Variants in ERC1 observed in about 807,000 individuals in gnomAD.
The protein encoded by ERC1 is ELKS/RAB6-interacting/CAST family member 1.
In ERC1, 56 loss-of-function variants were observed where a neutral mutation model predicts 132.0. That is an observed-to-expected ratio of 0.42 (90% CI 0.34 to 0.53). ERC1 has a LOEUF of 0.53. Among genes scored for constraint, ERC1 ranks in the 20% least tolerant of loss-of-function variants. The pLI is 0.03. For synonymous variants in ERC1, 478 were observed against 476.1 expected, an observed-to-expected ratio of 1.00 and a Z score of -0.05; for missense variants, 1,202 against 1,349.9, an observed-to-expected ratio of 0.89 and a Z score of 1.72.
chr12:1,420,408 A>C (rs1228665386), intron 17 of ERC1, among the ~76,000 whole-genome samples: 3 of 152,136 alleles, frequency 2.0e-5, no homozygotes, highest in Non-Finnish European at 4.4e-5. Context: ...CTTTAAAAAA[A>C]AAGTTGTTTT....
intron 8 of ERC1, among the ~76,000 whole-genome samples, chr12:1,178,628 A>G (rs769859908): frequency 2.6e-5 from 4 of 152,166 alleles, no homozygotes; most frequent in Non-Finnish European, 5.9e-5. Context: ...CTTGGGGGTG[A>G]GGGCAACAGA....
chr12:1,119,096 C>G (rs966077218), intron 7 of ERC1, among the ~76,000 whole-genome samples: 2 of 152,140 alleles, frequency 1.3e-5, no homozygotes, highest in African/African-American at 4.8e-5. Flanking sequence ...CTAGGCTGGT[C>G]TGGGACTCCT....
intron 15 of ERC1, among the ~76,000 whole-genome samples, chr12:1,319,295 A>G (rs2081965547): frequency 6.6e-6 from 1 of 152,156 alleles, no homozygotes. Flanking sequence ...ATATGTGAGT[A>G]TATTTTTTAT....
At chr12:1,347,941 C>G (rs1169767853) in intron 15 of ERC1, among the ~76,000 whole-genome samples, 2 of 152,120 alleles carry the variant, frequency 1.3e-5, no homozygotes, top group African/African-American at 4.8e-5. Flanking sequence ...AGAGATGGCG[C>G]CACTGCACTC....
intron 12 of ERC1, among the ~76,000 whole-genome samples, chr12:1,205,397 CTGTGTG>C (rs551630470): frequency 7.4e-6 from 1 of 135,684 alleles, no homozygotes; most frequent in African/African-American, 2.8e-5. Flanking sequence ...ATATATATAT[CTGTGTG>C]TGTGTGTGTG....
At chr12:1,293,847 A>G (rs1475187210) in intron 15 of ERC1, among the ~76,000 whole-genome samples, 1 of 152,234 alleles carries the variant, frequency 6.6e-6, no homozygotes, top group Non-Finnish European at 1.5e-5. Context: ...ACTTCCACCA[A>G]AAGCCATTTT....
intron 3 of ERC1, among the ~76,000 whole-genome samples, chr12:1,092,233 G>A (rs1056179238): frequency 3.3e-5 from 5 of 152,010 alleles, no homozygotes; most frequent in Non-Finnish European, 7.4e-5. Flanking sequence ...TCCTGACCTC[G>A]TGATCCGCCC....
intron 8 of ERC1, among the ~76,000 whole-genome samples, chr12:1,174,004 A>G (rs543495412): frequency 4.0e-5 from 6 of 151,282 alleles, no homozygotes; most frequent in African/African-American, 1.5e-4. Context: ...GTGATGCTGC[A>G]TTCAGTGGGG....
intron 3 of ERC1, among the ~76,000 whole-genome samples, chr12:1,097,226 C>A (rs957282098): frequency 6.6e-6 from 1 of 151,964 alleles, no homozygotes; most frequent in Non-Finnish European, 1.5e-5. Context: ...TTTCCTACTT[C>A]GTGTGTATAG....
At chr12:1,487,822 GAGAA>G (rs372337524) in intron 18 of ERC1, among the ~76,000 whole-genome samples, 2 of 148,704 alleles carry the variant, frequency 1.3e-5, no homozygotes, top group African/African-American at 5.0e-5. Flanking sequence ...GAGAGAGAGA[GAGAA>G]AGAAAAGAAA....
Position 1,490,704 on chromosome 12 carries a change from A to G in ERC1, c.*474A>G, listed in dbSNP as rs1302725647. 2 of 234,008 alleles carry G rather than the reference A, an allele frequency of 8.5e-6. No individual in the cohort carries two copies. Among genetic ancestry groups the G allele is most frequent in the East Asian group, 6.0e-5 (1 of 16,546 alleles). The allele number at this position is 234,008 out of a possible 1,614,324, so 14.5% of individuals were successfully genotyped here. A position where few individuals can be genotyped will look rare whatever the true frequency, so the allele number is the denominator to read the frequency against. ...CTTTCTCCTAAAAGGGCAAAAAACAATCTCAAAAAGATTAGAAAAAGAGAA... is the reference window on the plus strand; with the variant it reads ...CTTTCTCCTAAAAGGGCAAAAAACAGTCTCAAAAAGATTAGAAAAAGAGAA... On this transcript the variant is annotated 3_prime_UTR_variant, in exon 19 of 19. Transcript: ENST00000360905.
chr12:1,201,362 G>A (rs1956899521), intron 12 of ERC1, among the ~76,000 whole-genome samples: 1 of 152,138 alleles, frequency 6.6e-6, no homozygotes, highest in Admixed American at 6.5e-5. Flanking sequence ...TTCAAAGAGT[G>A]AATAAAATTG....
chr12:1,330,250 C>T (rs960402113), intron 15 of ERC1, among the ~76,000 whole-genome samples: 10 of 152,230 alleles, frequency 6.6e-5, no homozygotes, highest in Non-Finnish European at 1.3e-4. Context: ...CCCCTTTCCA[C>T]ATCCTCGAGT....
intron 15 of ERC1, among the ~76,000 whole-genome samples, chr12:1,317,461 T>C (rs1680427603): frequency 6.6e-6 from 1 of 152,140 alleles, no homozygotes; most frequent in Admixed American, 6.5e-5. Context: ...GATGATGGGT[T>C]GATGGGTGCA....
chr12:1,110,087 A>G lies in ERC1; in HGVS notation c.1162-105A>G. ...AATTGCCAGACAGCATTTTTTCTGTATATTTGTCTATCTTTATTAAATGTA... is the reference window on the plus strand; with the variant it reads ...AATTGCCAGACAGCATTTTTTCTGTGTATTTGTCTATCTTTATTAAATGTA... On this transcript the variant is annotated intron_variant, in intron 4 of 18. Coordinates refer to ENST00000360905, the MANE Select transcript of ERC1 (RefSeq NM_178040.4). The G allele has an allele frequency of 3.1e-6, 3 of 980,206 alleles. No homozygotes were observed. The South Asian group carries it at 6.0e-5, about 19-fold the overall frequency. 60.7% of individuals were successfully genotyped at this position (980,206 alleles called of 1,614,324 possible). A position where few individuals can be genotyped will look rare whatever the true frequency, so the allele number is the denominator to read the frequency against.
At chr12:1,320,144 G>A (rs2154353527) in intron 15 of ERC1, among the ~76,000 whole-genome samples, 1 of 152,214 alleles carries the variant, frequency 6.6e-6, no homozygotes, top group African/African-American at 2.4e-5. Context: ...TTCCAGTTGT[G>A]TAATATTGCA....
chr12:1,198,921 C>T lies in ERC1; in HGVS notation c.2351+8869C>T, dbSNP rs1594159209. Reference sequence around the variant, plus strand: ...CCAGTCACTTCCCACCAGGCCCCACCTCCAACACTGGGGATCACAGTTCAA... The same window carrying T: ...CCAGTCACTTCCCACCAGGCCCCACTTCCAACACTGGGGATCACAGTTCAA... On this transcript the variant is annotated intron_variant, in intron 12 of 18. Transcript: ENST00000360905. Among the ~76,000 whole-genome samples the T allele has an allele frequency of 8.8e-5, 13 of 148,230 alleles. No individual in the cohort carries two copies. The South Asian group carries it at 2.5e-3, about 29-fold the overall frequency.
intron 16 of ERC1, among the ~76,000 whole-genome samples, chr12:1,403,254 C>T (rs748659406): frequency 9.9e-5 from 15 of 151,920 alleles, no homozygotes; most frequent in Non-Finnish European, 2.1e-4. Flanking sequence ...TTCTTTATGT[C>T]GTTGGGACCA....
At chr12:1,323,156 A>G (rs972414603) in intron 15 of ERC1, among the ~76,000 whole-genome samples, 6 of 147,290 alleles carry the variant, frequency 4.1e-5, no homozygotes, top group Admixed American at 1.4e-4. Context: ...ACATTTGACA[A>G]ATAATTTTGG....
Sources: gnomAD v4.1 joint callset for allele counts (sites outside exome capture counted in the v4.1 genomes callset) on GRCh38, gnomAD v4.1.1 for gene constraint, MANE v1.5 for transcripts, NCBI Gene and HGNC (gene_info 2026-07-23, HGNC 2026-07-21) for gene names.